The following IFT80 variants were observed in gnomAD, a reference collection of about 807,000 sequenced individuals.
The protein encoded by IFT80 is intraflagellar transport 80.
Under a neutral mutation model 107.9 loss-of-function variants are expected in IFT80, and 79 were observed. The ratio of observed to expected loss-of-function variants is 0.73; its 90% CI spans 0.61 to 0.88. The LOEUF is 0.88. IFT80 is among the 40% of genes least tolerant of loss of function. The pLI is 0.00. For synonymous variants in IFT80, 299 were observed against 300.9 expected (o/e 0.99, Z 0.07); for missense variants, 797 against 914.2 (o/e 0.87, Z 1.65).
chr3:160,371,517 C>T (rs1711528201), intron 5 of IFT80, among the ~76,000 whole-genome samples: 1 of 152,190 alleles, frequency 6.6e-6, no homozygotes, highest in Admixed American at 6.5e-5. Flanking sequence ...TCACAGCTCA[C>T]TGTAGCCCCA....
chr3:160,269,726 T>C (rs916179458), intron 18 of IFT80, among the ~76,000 whole-genome samples: 49 of 152,272 alleles, frequency 3.2e-4, no homozygotes, highest in African/African-American at 1.1e-3. Context: ...ATTAGTTGAG[T>C]CGGGAACAAT....
intron 12 of IFT80, among the ~76,000 whole-genome samples, chr3:160,288,084 C>T (rs1370255293): frequency 1.3e-5 from 2 of 152,190 alleles, no homozygotes; most frequent in Non-Finnish European, 2.9e-5. Context: ...GTGGCTCACG[C>T]CTGTAATCCC....
intron 5 of IFT80, among the ~76,000 whole-genome samples, chr3:160,371,920 T>C (rs1008778723): frequency 1.3e-5 from 2 of 152,220 alleles, no homozygotes; most frequent in Admixed American, 6.5e-5. Context: ...ACAAAAGATA[T>C]GGCCTAAGTA....
rs1283520711 is a variant in IFT80 at position 160,366,152 on chromosome 3, C to T, written c.440G>A (p.Gly147Glu). The T allele has an allele frequency of 6.2e-7, 1 of 1,602,398 alleles. No individual in the cohort carries two copies. Among genetic ancestry groups the T allele is most frequent in the Non-Finnish European group, 8.5e-7 (1 of 1,171,000 alleles). ...CCACGCTACTGAATACACTGGTGTT[C>T]CTGTAAGATGAAAAAAGAAAAAAAA... ...GMLRSTLAQQ[G>E]TPVYSVAWGP... is the part of the protein sequence containing the mutation. Residue 147 changes from glycine to glutamate, a missense_variant and splice_region_variant, in exon 6 of 20, where the codon GGA becomes GAA. Transcript: ENST00000326448.
intron 1 of IFT80, among the ~76,000 whole-genome samples, chr3:160,392,685 C>G (rs1713477512): frequency 6.6e-6 from 1 of 152,226 alleles, no homozygotes; most frequent in African/African-American, 2.4e-5. Context: ...ATGCCATCTT[C>G]TCTTAACCAG....
At chr3:160,390,947 A>G (rs574504414) in intron 1 of IFT80, among the ~76,000 whole-genome samples, 1 of 152,354 alleles carries the variant, frequency 6.6e-6, no homozygotes, top group Non-Finnish European at 1.5e-5. Context: ...AGAAATGCCT[A>G]TCAGTATGCC....
intron 18 of IFT80, among the ~76,000 whole-genome samples, chr3:160,271,307 AG>A (rs1328549387): frequency 1.3e-5 from 2 of 152,208 alleles, no homozygotes; most frequent in East Asian, 1.9e-4. Flanking sequence ...TTAGATTCTA[AG>A]GCTGGAATAA....
intron 2 of IFT80, chr3:160,383,362 G>A: frequency 1.6e-6 from 1 of 643,442 alleles, no homozygotes; most frequent in Non-Finnish European, 1.9e-6. Flanking sequence ...AACTATTTAA[G>A]GGGGAATAAA....
chr3:160,397,926 G>A (rs976296097), intron 1 of IFT80, among the ~76,000 whole-genome samples: 3 of 151,748 alleles, frequency 2.0e-5, no homozygotes, highest in Non-Finnish European at 2.9e-5. Context: ...TGTCCATGTT[G>A]GTCAGGCTGG....
At chr3:160,382,487 T>C (rs1036676672) in intron 2 of IFT80, among the ~76,000 whole-genome samples, 3 of 152,212 alleles carry the variant, frequency 2.0e-5, no homozygotes, top group Non-Finnish European at 2.9e-5. Context: ...TTTTCAGCTC[T>C]AATTTATCAG....
At chr3:160,296,575 A>AC (rs1715998388) in intron 12 of IFT80, among the ~76,000 whole-genome samples, 1 of 152,140 alleles carries the variant, frequency 6.6e-6, no homozygotes, top group Non-Finnish European at 1.5e-5. Flanking sequence ...TCACTAAAAA[A>AC]AAAAAAAAAA....
intron 15 of IFT80, among the ~76,000 whole-genome samples, chr3:160,280,232 G>A (rs1435852919): frequency 1.3e-5 from 2 of 152,048 alleles, no homozygotes; most frequent in African/African-American, 4.8e-5. Context: ...AGTAACTTTG[G>A]TCTTTTCCTA....
intron 18 of IFT80, among the ~76,000 whole-genome samples, chr3:160,276,238 G>A (rs1483095116): frequency 6.6e-6 from 1 of 152,074 alleles, no homozygotes; most frequent in Non-Finnish European, 1.5e-5. Context: ...ATGAATTTGT[G>A]TTAATAAGGG....
In IFT80 at chr3:160,306,521, T is replaced by C. The variant is rs189773507; in HGVS notation, c.1076+1142A>G. 2.4e-4 allele frequency among the ~76,000 whole-genome samples: 37 copies of C among 152,306 alleles called. No individual in the cohort carries two copies. In the East Asian group the frequency reaches 7.1e-3, roughly 29 times the overall value. ...AATCCCTTCCCCACATCTCAACTGC[T>C]TAACTTAGTATCTTTTTTGAATCTT... On this transcript the variant is annotated intron_variant, in intron 10 of 19. Coordinates refer to ENST00000326448, the MANE Select transcript of IFT80 (RefSeq NM_020800.3).
Position 160,319,069 on chromosome 3 carries a change from T to C in IFT80, c.957+691A>G, listed in dbSNP as rs187380806. On this transcript the variant is annotated intron_variant, in intron 9 of 19. Coordinates refer to ENST00000326448, the MANE Select transcript of IFT80 (RefSeq NM_020800.3). ...ATTGTGTATCGCCACAACTGTCTAC[T>C]CTTCATCAAATGTAGCGTAAAAGCA... Among the ~76,000 whole-genome samples, 5 of 152,230 alleles carry C rather than the reference T, an allele frequency of 3.3e-5. No homozygotes were observed. In the East Asian group the frequency reaches 7.7e-4, roughly 23 times the overall value.
chr3:160,304,368 T>C (rs1401012152), intron 10 of IFT80, among the ~76,000 whole-genome samples: 1 of 152,044 alleles, frequency 6.6e-6, no homozygotes, highest in Non-Finnish European at 1.5e-5. Flanking sequence ...GAAGAGATGA[T>C]AGCTTTTTGT....
chr3:160,300,402 G>A, intron 12 of IFT80, among the ~76,000 whole-genome samples: 1 of 152,046 alleles, frequency 6.6e-6, no homozygotes, highest in East Asian at 1.9e-4. Context: ...TACTAATGTG[G>A]CCTAGATTTT....
intron 5 of IFT80, 110 bp from the exon 6 acceptor site, chr3:160,366,262 TTTC>T (rs1364416633): frequency 1.3e-6 from 1 of 751,328 alleles, no homozygotes; most frequent in African/African-American, 1.8e-5. Flanking sequence ...TGTCATTTCA[TTTC>T]TTCTCTTTTC....
intron 5 of IFT80, among the ~76,000 whole-genome samples, chr3:160,374,453 A>G (rs761878496): frequency 1.3e-5 from 2 of 152,026 alleles, no homozygotes; most frequent in Non-Finnish European, 2.9e-5. Flanking sequence ...AAAATCTTCC[A>G]TGGTGGATAG....
Sources: allele counts gnomAD v4.1 joint callset (sites outside exome capture counted in the v4.1 genomes callset), GRCh38; gene constraint gnomAD v4.1.1; transcripts MANE v1.5; gene names NCBI Gene and HGNC (gene_info 2026-07-23, HGNC 2026-07-21).